The following SPECC1 variants were observed in gnomAD, a reference collection of about 807,000 sequenced individuals.
SPECC1 encodes the protein cytospin-B.
SPECC1 carries 62 observed loss-of-function variants against 104.1 expected under a neutral mutation model. That is an observed-to-expected ratio of 0.60 (90% CI 0.49 to 0.74). SPECC1 has a LOEUF of 0.74. SPECC1 is among the 30% of genes least tolerant of loss of function. SPECC1 has a pLI of 0.00. For synonymous variants in SPECC1, 513 were observed against 501.6 expected, an observed-to-expected ratio of 1.02 and a Z score of -0.30; for missense variants, 1,306 against 1,310.5, an observed-to-expected ratio of 1.00 and a Z score of 0.05.
chr17:20,266,432 A>C (rs1057383641), intron 12 of SPECC1, among the ~76,000 whole-genome samples: 1 of 152,104 alleles, frequency 6.6e-6, no homozygotes, highest in African/African-American at 2.4e-5. Context: ...AAAATACAAA[A>C]AATTAGCCGG....
At chr17:20,112,754 G>C (rs923671153) in intron 3 of SPECC1, 3 of 1,248,364 alleles carry the variant, frequency 2.4e-6, no homozygotes, top group Non-Finnish European at 1.2e-6. Context: ...TAACCTGAAA[G>C]GTGTGGATAT....
intron 7 of SPECC1, chr17:20,238,341 T>C (rs1035134875): frequency 9.6e-7 from 1 of 1,039,506 alleles, no homozygotes; most frequent in African/African-American, 1.7e-5. Context: ...GATTTTAAAC[T>C]TCTGGAAATA....
chr17:20,168,314 T>C (rs984060343), intron 3 of SPECC1, among the ~76,000 whole-genome samples: 9 of 152,116 alleles, frequency 5.9e-5, no homozygotes, highest in African/African-American at 2.2e-4. Context: ...AAAAATATTA[T>C]TATATAAATA....
At chr17:20,179,645 CAG>C (rs1567908065) in intron 3 of SPECC1, among the ~76,000 whole-genome samples, 1 of 152,114 alleles carries the variant, frequency 6.6e-6, no homozygotes, top group African/African-American at 2.4e-5. Flanking sequence ...TTCAGCGAAC[CAG>C]GGCAAAAGAA....
chr17:20,316,211 A>G lies in SPECC1; in HGVS notation c.*2146A>G. 4.4e-6 allele frequency: 1 copy of G among 229,276 alleles called. No individual in the cohort carries two copies. Among genetic ancestry groups the G allele is most frequent in the Non-Finnish European group, 8.6e-6 (1 of 115,918 alleles). 14.2% of individuals were successfully genotyped at this position (229,276 alleles called of 1,614,324 possible). ...TGTACTTCTTCTTTGCCCACCATTAAAGTGGGGGAAAGTAATATCCCAAGT... is the reference window on the plus strand; with the variant it reads ...TGTACTTCTTCTTTGCCCACCATTAGAGTGGGGGAAAGTAATATCCCAAGT... On this transcript the variant is annotated 3_prime_UTR_variant, in exon 15 of 15. Coordinates refer to ENST00000395527, the MANE Select transcript of SPECC1 (RefSeq NM_001243439.2).
intron 3 of SPECC1, among the ~76,000 whole-genome samples, chr17:20,166,759 C>T (rs1264141439): frequency 6.6e-6 from 1 of 152,112 alleles, no homozygotes; most frequent in Non-Finnish European, 1.5e-5. Flanking sequence ...CCTAGCCCAG[C>T]CTTGTCCCTG....
At chr17:20,255,892 T>C (rs2039809893) in intron 10 of SPECC1, among the ~76,000 whole-genome samples, 2 of 151,780 alleles carry the variant, frequency 1.3e-5, no homozygotes, top group African/African-American at 4.8e-5. Context: ...TCTTTTTTTT[T>C]TTTGAGATGC....
intron 1 of SPECC1, among the ~76,000 whole-genome samples, chr17:20,021,638 A>C (rs886905459): frequency 1.3e-5 from 2 of 149,742 alleles, no homozygotes; most frequent in African/African-American, 4.9e-5. Flanking sequence ...CCCCAGCAGC[A>C]CACAAGGATT....
intron 3 of SPECC1, among the ~76,000 whole-genome samples, chr17:20,166,132 G>GAT (rs2033629503): frequency 6.6e-6 from 1 of 152,180 alleles, no homozygotes. Context: ...TCTTAAATGA[G>GAT]ATAGGACCTT....
chr17:20,164,766 A>C (rs1005037466), intron 3 of SPECC1, among the ~76,000 whole-genome samples: 2 of 152,146 alleles, frequency 1.3e-5, no homozygotes, highest in African/African-American at 4.8e-5. Flanking sequence ...ATGGACTTCA[A>C]AACTTGAAGA....
At chr17:20,237,888 A>G (rs1277872836) in intron 7 of SPECC1, 1 of 297,624 alleles carries the variant, frequency 3.4e-6, no homozygotes, top group Admixed American at 6.2e-5. Context: ...GATTACAGGC[A>G]TGTGCCGTCA....
intron 2 of SPECC1, among the ~76,000 whole-genome samples, chr17:20,106,461 T>C (rs565101170): frequency 1.3e-5 from 2 of 152,306 alleles, no homozygotes; most frequent in South Asian, 4.1e-4. Context: ...TCAAGTGTCA[T>C]GTTTGGTCCA....
In SPECC1 at chr17:20,014,406, C is replaced by T. The variant is rs58117806; in HGVS notation, c.-22+4982C>T. On this transcript the variant is annotated intron_variant, in intron 1 of 14. Transcript: ENST00000395527. ...TTATTTAGGTAAACTGTAAATTTTT[C>T]TGATTATTTACTCATCATTGGTGCT... is the stretch of plus-strand genomic sequence containing the variant. Among the ~76,000 whole-genome samples the T allele has an allele frequency of 2.4e-3, 370 of 152,154 alleles. 2 individuals are homozygous for T. Among genetic ancestry groups the T allele is most frequent in the African/African-American group, 8.4e-3 (349 of 41,514 alleles).
intron 3 of SPECC1, among the ~76,000 whole-genome samples, chr17:20,196,107 G>C (rs971424333): frequency 2.6e-5 from 4 of 152,068 alleles, no homozygotes; most frequent in Non-Finnish European, 4.4e-5. Context: ...CAAACCTTTA[G>C]CTTTATTCTA....
chr17:20,290,257 G>A (rs754101210), intron 12 of SPECC1: 1 of 151,978 alleles, frequency 6.6e-6, no homozygotes, highest in African/African-American at 2.4e-5. Context: ...TCAAGAACTA[G>A]TGGTCACTTT....
intron 2 of SPECC1, among the ~76,000 whole-genome samples, chr17:20,100,775 C>T (rs1451382818): frequency 1.3e-5 from 2 of 152,138 alleles, no homozygotes; most frequent in Non-Finnish European, 1.5e-5. Context: ...TTTTAAGCCC[C>T]GCATGCATTA....
intron 3 of SPECC1, among the ~76,000 whole-genome samples, chr17:20,199,239 G>A (rs183232105): frequency 6.6e-6 from 1 of 151,326 alleles, no homozygotes; most frequent in African/African-American, 2.4e-5. Context: ...GGCATGTGCT[G>A]TGGCGCCCAG....
chr17:20,247,132 C>CA (rs1567981558), intron 8 of SPECC1, 87 bp from the exon 9 acceptor site: 5 of 1,062,952 alleles, frequency 4.7e-6, no homozygotes, highest in Admixed American at 4.6e-5. Context: ...CTTAAGCCAC[C>CA]AAAAAAAGTA....
chr17:20,177,867 G>A (rs1159591130), intron 3 of SPECC1, among the ~76,000 whole-genome samples: 1 of 144,426 alleles, frequency 6.9e-6, no homozygotes, highest in East Asian at 2.1e-4. Context: ...GTGCCACCAC[G>A]CCCGGCTAAT....
Sources: gnomAD v4.1 joint callset for allele counts (sites outside exome capture counted in the v4.1 genomes callset) on GRCh38, gnomAD v4.1.1 for gene constraint, MANE v1.5 for transcripts, NCBI Gene and HGNC (gene_info 2026-07-23, HGNC 2026-07-21) for gene names.